LRP5: variants seen among roughly 807,000 people sequenced by gnomAD.
LRP5 encodes the protein low-density lipoprotein receptor-related protein 5.
LRP5 carries 62 observed loss-of-function variants against 154.1 expected under a neutral mutation model. The ratio of observed to expected loss-of-function variants is 0.40; its 90% CI spans 0.33 to 0.50. The LOEUF (loss-of-function observed/expected upper bound fraction) is 0.50, where lower values mean the gene tolerates loss of function less well. Ranked by LOEUF, LRP5 falls within the 20% of genes least tolerant of loss-of-function variation. The pLI, the probability that LRP5 is intolerant of heterozygous loss-of-function variation, is 0.55. For missense variants in LRP5, 1,915 were observed against 2,336.7 expected (o/e 0.82, Z 3.72); for synonymous variants, 966 against 1,011.5 (o/e 0.96, Z 0.85).
rs2098589305 is a variant in LRP5 at position 68,312,760 on chromosome 11, C to CTGA, written c.48_49insATG (p.Leu16_Leu17insMet). On this transcript the variant is annotated inframe_insertion, in exon 1 of 23. Coordinates refer to ENST00000294304, the MANE Select transcript of LRP5 (RefSeq NM_002335.4). ...GCCGCCGTGGCCGCTGCTGCTGCTG[C>CTGA]TGCTGCTGCTGCTGGCGCTGTGCGG... The CTGA allele has an allele frequency of 9.2e-7, 1 of 1,090,930 alleles. No homozygotes were observed. 67.6% of individuals were successfully genotyped at this position (1,090,930 alleles called of 1,614,324 possible). A position where few individuals can be genotyped will look rare whatever the true frequency, so the allele number is the denominator to read the frequency against.
Position 68,386,794 on chromosome 11 carries a change from C to G in LRP5, c.1412+82C>G. ...GGGAGATTGACCTGGACCTGTCATT[C>G]TGGGACACTGTCTTGCATCAGAACC... On this transcript the variant is annotated intron_variant, in intron 6 of 22. Coordinates refer to ENST00000294304, the MANE Select transcript of LRP5 (RefSeq NM_002335.4). The surrounding 1 kb of genome is among the most constrained non-coding windows in gnomAD (Gnocchi z 7.9). 1.4e-6 allele frequency: 2 copies of G among 1,455,076 alleles called. No individual in the cohort carries two copies. Among genetic ancestry groups the G allele is most frequent in the South Asian group, 2.6e-5 (2 of 78,254 alleles). 90.1% of individuals were successfully genotyped at this position (1,455,076 alleles called of 1,614,324 possible). A position where few individuals can be genotyped will look rare whatever the true frequency, so the allele number is the denominator to read the frequency against.
intron 1 of LRP5, among the ~76,000 whole-genome samples, chr11:68,314,906 T>C (rs1354284512): frequency 6.6e-6 from 1 of 152,238 alleles, no homozygotes; most frequent in Non-Finnish European, 1.5e-5. Context: ...GATCCAGCAT[T>C]TGTTCAGCAC....
chr11:68,424,678 G>A (rs1319296347), intron 14 of LRP5, among the ~76,000 whole-genome samples: 1 of 152,176 alleles, frequency 6.6e-6, no homozygotes, highest in East Asian at 1.9e-4. Flanking sequence ...TCGAGGTGTG[G>A]GCAGGGCCCT....
chr11:68,310,231 G>A (rs1472130776), upstream of LRP5, among the ~76,000 whole-genome samples: 1 of 152,158 alleles, frequency 6.6e-6, no homozygotes, highest in African/African-American at 2.4e-5. Context: ...CCTGACTGAG[G>A]AGCTGAAGAG....
At chr11:68,365,056 T>C (rs1363163201) in intron 4 of LRP5, among the ~76,000 whole-genome samples, 1 of 152,234 alleles carries the variant, frequency 6.6e-6, no homozygotes, top group East Asian at 1.9e-4. Flanking sequence ...AGTGTTCCTA[T>C]GGAAGCTGCT....
chr11:68,361,925 TAC>T (rs2098628346), intron 3 of LRP5, among the ~76,000 whole-genome samples: 1 of 152,262 alleles, frequency 6.6e-6, no homozygotes, highest in Non-Finnish European at 1.5e-5. Context: ...CCTAGCTGTA[TAC>T]TCTTAAGAAT....
chr11:68,331,528 C>T (rs2098602728), intron 1 of LRP5, among the ~76,000 whole-genome samples: 1 of 152,244 alleles, frequency 6.6e-6, no homozygotes, highest in South Asian at 2.1e-4. Context: ...TGAGGGAAGA[C>T]CCGGAGGCGC....
chr11:68,418,345 G>A (rs1026815501), intron 13 of LRP5, among the ~76,000 whole-genome samples: 1 of 151,796 alleles, frequency 6.6e-6, no homozygotes, highest in East Asian at 1.9e-4. Flanking sequence ...GAGGTTGCAG[G>A]GATCTGAGAC....
At chr11:68,399,554 G>A (rs569918122) in intron 7 of LRP5, among the ~76,000 whole-genome samples, 2 of 152,262 alleles carry the variant, frequency 1.3e-5, no homozygotes, top group East Asian at 1.9e-4. Context: ...GTTCTCTTCC[G>A]GCACTGGCGT....
chr11:68,361,929 C>T (rs777944825), intron 3 of LRP5, among the ~76,000 whole-genome samples: 1 of 152,242 alleles, frequency 6.6e-6, no homozygotes, highest in Non-Finnish European at 1.5e-5. Context: ...GCTGTATACT[C>T]TTAAGAATCG....
intron 19 of LRP5, among the ~76,000 whole-genome samples, chr11:68,437,674 T>C (rs1432168584): frequency 6.6e-6 from 1 of 152,126 alleles, no homozygotes; most frequent in East Asian, 1.9e-4. Flanking sequence ...GAGAAGTCTG[T>C]TGGGGGGAGA....
At chr11:68,311,045 A>G (rs912711469), upstream of LRP5, among the ~76,000 whole-genome samples, 1 of 152,102 alleles carries the variant, frequency 6.6e-6, no homozygotes, top group Non-Finnish European at 1.5e-5. Flanking sequence ...TCGAGGCTGC[A>G]AGTGGGGACG....
intron 6 of LRP5, 66 bp from the exon 7 acceptor site, chr11:68,389,815 T>C (rs537407598): frequency 6.3e-7 from 1 of 1,576,684 alleles, no homozygotes; most frequent in African/African-American, 1.3e-5. Context: ...GCCTTGCTCT[T>C]GGCACTGGGG....
At chr11:68,433,969 T>C (rs1281848289) in intron 18 of LRP5, 131 bp downstream of exon 18, 1 of 887,162 alleles carries the variant, frequency 1.1e-6, no homozygotes, top group East Asian at 2.7e-5. Flanking sequence ...TTGCCAAGTC[T>C]GTCTTTTAGG....
chr11:68,399,101 G>A lies in LRP5; in HGVS notation c.1585-4382G>A, dbSNP rs145936853. Among the ~76,000 whole-genome samples, 566 of 152,192 alleles carry A rather than the reference G, an allele frequency of 3.7e-3. 2 individuals carry two copies. Among genetic ancestry groups the A allele is most frequent in the African/African-American group, 0.013 (534 of 41,524 alleles). ...TTTGGGAGGCTGAGGTGGGAGGATC[G>A]CTTAAGCCCAGGAGTTTGAGGCTGG... On this transcript the variant is annotated intron_variant, in intron 7 of 22. Coordinates refer to ENST00000294304, the MANE Select transcript of LRP5 (RefSeq NM_002335.4).
At position 68,365,764 on chromosome 11, in the gene LRP5, GGCC is replaced by G. The variant is rs1223322435; in HGVS notation, c.1015+67_1015+69del. 1,057 of 1,440,428 alleles carry G rather than the reference GGCC, an allele frequency of 7.3e-4. 5 individuals carry two copies. Among genetic ancestry groups the G allele is most frequent in the Non-Finnish European group, 7.2e-4 (775 of 1,078,200 alleles). The allele number at this position is 1,440,428 out of a possible 1,614,324, so 89.2% of individuals were successfully genotyped here. A position where few individuals can be genotyped will look rare whatever the true frequency, so the allele number is the denominator to read the frequency against. ...GCGGGGCCTGGCGGGAATGGGTTGC[GGCC>G]GCCGGGGGTGCCCCAGAAGGAACCT... On this transcript the variant is annotated intron_variant, in intron 5 of 22. Transcript: ENST00000294304.
chr11:68,352,009 G>A (rs1238384941), intron 2 of LRP5, among the ~76,000 whole-genome samples: 1 of 152,126 alleles, frequency 6.6e-6, no homozygotes, highest in African/African-American at 2.4e-5. Flanking sequence ...AGGGCCCAAG[G>A]TGTGAGGAGA....
At chr11:68,419,006 T>G (rs2098664064) in intron 13 of LRP5, among the ~76,000 whole-genome samples, 1 of 152,070 alleles carries the variant, frequency 6.6e-6, no homozygotes, top group African/African-American at 2.4e-5. Flanking sequence ...TCCACTTAAT[T>G]TGGAAAATGT....
chr11:68,306,421 C>T, the LRP5 span, among the ~76,000 whole-genome samples: 3 of 152,210 alleles, frequency 2.0e-5, no homozygotes, highest in Non-Finnish European at 4.4e-5. Context: ...CAGGCTTGAG[C>T]CACTGTGCCC....
Sources: gnomAD v4.1 joint callset for allele counts (sites outside exome capture counted in the v4.1 genomes callset) on GRCh38, gnomAD v4.1.1 for gene constraint, Gnocchi (gnomAD v3.1) non-coding constraint, MANE v1.5 for transcripts, NCBI Gene and HGNC (gene_info 2026-07-23, HGNC 2026-07-21) for gene names.